Variants in RSRC1 observed in about 807,000 individuals in gnomAD.
RSRC1 encodes arginine and serine rich coiled-coil 1.
A neutral mutation model predicts 49.1 loss-of-function variants in RSRC1; 39 were observed. The observed-to-expected ratio is 0.79, with a 90% CI of 0.61 to 1.04. The LOEUF is 1.04. RSRC1 is among the 50% of genes least tolerant of loss of function. RSRC1 has a pLI of 0.00. For synonymous variants in RSRC1, 143 were observed against 130.8 expected, an observed-to-expected ratio of 1.09 and a Z score of -0.63; for missense variants, 388 against 402.4, an observed-to-expected ratio of 0.96 and a Z score of 0.31.
rs1397279475 is a variant in RSRC1, at chr3:158,469,292, AAT to A, written c.652+8291_652+8292del. 1.0e-5 allele frequency: 4 copies of A among 388,986 alleles called. No individual in the cohort carries two copies. In the East Asian group the frequency reaches 3.1e-4, roughly 31 times the overall value. 24.1% of individuals were successfully genotyped at this position (388,986 alleles called of 1,614,324 possible). ...AGATGGCCAAGAATTATAATTTTAT[AAT>A]AGTTATTTAATTCAATCATCCTAAA... On this transcript the variant is annotated intron_variant, in intron 7 of 9. Transcript: ENST00000611884.
intron 4 of RSRC1, among the ~76,000 whole-genome samples, chr3:158,206,487 T>C (rs1721349480): frequency 6.6e-6 from 1 of 151,942 alleles, no homozygotes; most frequent in Non-Finnish European, 1.5e-5. Flanking sequence ...TGAGAGATGA[T>C]TATGAGAGGG....
chr3:158,403,750 C>T (rs1484791035), intron 6 of RSRC1, among the ~76,000 whole-genome samples: 1 of 151,536 alleles, frequency 6.6e-6, no homozygotes, highest in Admixed American at 6.6e-5. Flanking sequence ...ATAATGTGTT[C>T]CTATTTTATG....
At chr3:158,318,565 A>G (rs1728591890) in intron 5 of RSRC1, among the ~76,000 whole-genome samples, 1 of 152,214 alleles carries the variant, frequency 6.6e-6, no homozygotes, top group Non-Finnish European at 1.5e-5. Context: ...ATGTGTTCAC[A>G]AACACAGGCC....
intron 3 of RSRC1, among the ~76,000 whole-genome samples, chr3:158,156,173 C>T (rs560938498): frequency 5.9e-5 from 9 of 152,344 alleles, no homozygotes; most frequent in African/African-American, 2.2e-4. Flanking sequence ...GCACGTACTG[C>T]TTCACCTTGT....
rs369404609 is a variant in RSRC1, at chr3:158,202,562, T to TTTTA, written c.321-509_321-508insTTAT. 3.0e-3 allele frequency among the ~76,000 whole-genome samples: 275 copies of TTTTA among 92,004 alleles called. 36 individuals are homozygous for TTTTA. The highest frequency in any genetic ancestry group is 0.013 in the African/African-American group (243 of 18,930). The allele number at this position is 92,004 out of a possible 152,430, so 60.4% of individuals were successfully genotyped here. A position where few individuals can be genotyped will look rare whatever the true frequency, so the allele number is the denominator to read the frequency against. ...TCTGTAGGGTTGTCAGTCTGGTAGA[T>TTTTA]TATATATATATATATATATGTTTTA... On this transcript the variant is annotated intron_variant, in intron 3 of 9. Transcript: ENST00000611884.
intron 6 of RSRC1, among the ~76,000 whole-genome samples, chr3:158,379,285 C>T (rs1732562336): frequency 6.7e-6 from 1 of 149,776 alleles, no homozygotes. Flanking sequence ...ACTGCAAGCT[C>T]CGCCTCCCGG....
intron 6 of RSRC1, among the ~76,000 whole-genome samples, chr3:158,460,575 TAAG>T (rs1440195530): frequency 1.3e-5 from 2 of 151,876 alleles, no homozygotes; most frequent in Non-Finnish European, 2.9e-5. Context: ...AACTGTACCT[TAAG>T]AACTTTCCTC....
intron 7 of RSRC1, among the ~76,000 whole-genome samples, chr3:158,488,026 G>T (rs982826495): frequency 6.9e-6 from 1 of 144,420 alleles, no homozygotes; most frequent in Non-Finnish European, 1.5e-5. Context: ...GACAATAATG[G>T]AACACTCTGT....
At chr3:158,534,421 A>G (rs575608477) in intron 7 of RSRC1, among the ~76,000 whole-genome samples, 3 of 151,748 alleles carry the variant, frequency 2.0e-5, no homozygotes, top group East Asian at 1.9e-4. Context: ...ACTTATTACT[A>G]TTGTTAAGTA....
intron 7 of RSRC1, among the ~76,000 whole-genome samples, chr3:158,472,326 C>T (rs981722049): frequency 6.6e-6 from 1 of 151,946 alleles, no homozygotes; most frequent in African/African-American, 2.4e-5. Context: ...AAAATATTCT[C>T]ACAGACTTTC....
chr3:158,494,320 T>C (rs1375557900), intron 7 of RSRC1, among the ~76,000 whole-genome samples: 5 of 152,168 alleles, frequency 3.3e-5, no homozygotes, highest in Non-Finnish European at 5.9e-5. Flanking sequence ...AAAAATATGA[T>C]ATAAAAGATT....
intron 1 of RSRC1, among the ~76,000 whole-genome samples, chr3:158,121,266 T>A (rs959505679): frequency 2.0e-5 from 3 of 152,100 alleles, no homozygotes; most frequent in African/African-American, 4.8e-5. Flanking sequence ...TAGATTATTA[T>A]TACTCAATTG....
At chr3:158,153,746 G>A (rs959156630) in intron 3 of RSRC1, among the ~76,000 whole-genome samples, 10 of 152,126 alleles carry the variant, frequency 6.6e-5, no homozygotes, top group Non-Finnish European at 1.2e-4. Context: ...TCACTGTGTC[G>A]AACCTATACT....
intron 3 of RSRC1, among the ~76,000 whole-genome samples, chr3:158,197,198 AG>A: frequency 6.6e-6 from 1 of 152,182 alleles, no homozygotes; most frequent in Non-Finnish European, 1.5e-5. Flanking sequence ...TGGTCTATTC[AG>A]GGATTCAACT....
At chr3:158,256,780 C>T (rs901918907) in intron 4 of RSRC1, among the ~76,000 whole-genome samples, 6 of 152,218 alleles carry the variant, frequency 3.9e-5, no homozygotes, top group Middle Eastern at 3.4e-3. Context: ...GATTCAAGTT[C>T]GTCCTGGTTT....
At chr3:158,293,169 G>T (rs944868886) in intron 4 of RSRC1, among the ~76,000 whole-genome samples, 4 of 152,030 alleles carry the variant, frequency 2.6e-5, no homozygotes, top group Non-Finnish European at 5.9e-5. Context: ...AAACCTTCCA[G>T]ATATAAATGA....
chr3:158,113,184 G>A (rs1209724227), intron 1 of RSRC1, among the ~76,000 whole-genome samples: 1 of 152,068 alleles, frequency 6.6e-6, no homozygotes, highest in African/African-American at 2.4e-5. Context: ...TGGGTCAAAT[G>A]GTATTTCTGG....
Position 158,326,692 on chromosome 3 carries a change from T to C in RSRC1, c.532-28165T>C, listed in dbSNP as rs145192957. Among the ~76,000 whole-genome samples, 115 of 152,288 alleles carry C rather than the reference T, an allele frequency of 7.6e-4. 1 individual carries two copies. In the East Asian group the frequency reaches 0.017, roughly 22 times the overall value. On this transcript the variant is annotated intron_variant, in intron 5 of 9. Coordinates refer to ENST00000611884, the MANE Select transcript of RSRC1 (RefSeq NM_001271838.2). ...TCAGGGATAATGGTTTAAATTCTCT[T>C]TTTTTGTTGTGTCTCTGCCAGGCTT...
intron 7 of RSRC1, among the ~76,000 whole-genome samples, chr3:158,515,260 C>T (rs936852698): frequency 4.0e-5 from 6 of 151,800 alleles, no homozygotes; most frequent in East Asian, 1.9e-4. Flanking sequence ...CCATGTTTAG[C>T]GCTTCCTTCA....
Sources: allele counts gnomAD v4.1 joint callset (sites outside exome capture counted in the v4.1 genomes callset), GRCh38; gene constraint gnomAD v4.1.1; transcripts MANE v1.5; gene names NCBI Gene and HGNC (gene_info 2026-07-23, HGNC 2026-07-21).